FSIP1: variants seen among roughly 807,000 people sequenced by gnomAD.
FSIP1 encodes the protein fibrous sheath interacting protein 1.
FSIP1 carries 65 observed loss-of-function variants against 60.9 expected under a neutral mutation model. The observed-to-expected ratio is 1.07, with a 90% CI of 0.87 to 1.31. The LOEUF (loss-of-function observed/expected upper bound fraction) is 1.31. Ranked by LOEUF, FSIP1 falls within the 40% of genes most tolerant of loss-of-function variation. FSIP1 has a pLI of 0.00. For synonymous variants in FSIP1, 209 were observed against 221.2 expected (o/e 0.94, Z 0.49); for missense variants, 675 against 665.5 (o/e 1.01, Z -0.16).
At chr15:39,601,589 A>G (rs1193999279) in intron 11 of FSIP1, among the ~76,000 whole-genome samples, 1 of 152,204 alleles carries the variant, frequency 6.6e-6, no homozygotes, top group African/African-American at 2.4e-5. Context: ...CCATACAAAA[A>G]CTTGTACACA....
intron 11 of FSIP1, among the ~76,000 whole-genome samples, chr15:39,612,161 A>G (rs1046781903): frequency 2.0e-5 from 3 of 152,190 alleles, no homozygotes; most frequent in Admixed American, 2.0e-4. Flanking sequence ...AATCAAATGG[A>G]CCTCACATTC....
At chr15:39,722,106 CCCT>C (rs963019076) in intron 9 of FSIP1, among the ~76,000 whole-genome samples, 2 of 152,120 alleles carry the variant, frequency 1.3e-5, no homozygotes, top group Non-Finnish European at 2.9e-5. Context: ...CCTGAGCTCT[CCCT>C]CCTCCTGTTA....
intron 5 of FSIP1, among the ~76,000 whole-genome samples, chr15:39,750,398 C>A (rs373331540): frequency 2.6e-5 from 4 of 152,064 alleles, no homozygotes; most frequent in Admixed American, 6.5e-5. Flanking sequence ...ATTAGTATTA[C>A]TAATGTAATC....
intron 5 of FSIP1, among the ~76,000 whole-genome samples, chr15:39,751,726 T>G (rs1897169903): frequency 6.6e-6 from 1 of 151,890 alleles, no homozygotes; most frequent in Admixed American, 6.6e-5. Context: ...ACTAACAAGT[T>G]TAAAGATCTA....
Position 39,640,649 on chromosome 15 carries a change from C to T in FSIP1, c.1189-22404G>A, listed in dbSNP as rs148448243. Among the ~76,000 whole-genome samples the T allele has an allele frequency of 3.0e-3, 447 of 150,050 alleles. 1 individual carries two copies. The highest frequency in any genetic ancestry group is 4.3e-3 in the Non-Finnish European group (292 of 67,892). ...AGGAGTTTGAGCAATGAATAATTCG[C>T]GAATTGGGCAGCCCCCAGAATCACA... On this transcript the variant is annotated intron_variant, in intron 10 of 11. Transcript: ENST00000350221.
chr15:39,667,699 C>CT (rs1893553711), intron 10 of FSIP1, among the ~76,000 whole-genome samples: 1 of 151,922 alleles, frequency 6.6e-6, no homozygotes, highest in Non-Finnish European at 1.5e-5. Flanking sequence ...CAATCTATTC[C>CT]AGGGATCAGG....
At chr15:39,708,196 T>A (rs2631703) in intron 10 of FSIP1, among the ~76,000 whole-genome samples, 125,044 of 151,996 alleles carry the variant, frequency 0.82, 51,792 homozygotes, top group Non-Finnish European at 0.87. Flanking sequence ...CTAGGCAAGC[T>A]GCAGGTGGCT....
chr15:39,648,686 A>C (rs1000426235), intron 10 of FSIP1, among the ~76,000 whole-genome samples: 12 of 152,220 alleles, frequency 7.9e-5, no homozygotes, highest in Admixed American at 3.3e-4. Flanking sequence ...GAAATGGTGA[A>C]ATGTGTGATG....
Position 39,770,621 on chromosome 15 carries a change from T to A in FSIP1, c.127-11A>T. ...GCTTGCAGTATCGACCTAAAAATAA[T>A]TTCAAAAAAAAAACAGTTTCCGAAA... is the stretch of plus-strand genomic sequence containing the variant. On this transcript the variant is annotated splice_polypyrimidine_tract_variant and intron_variant, in intron 2 of 11. Transcript: ENST00000350221. The A allele has an allele frequency of 6.8e-7, 1 of 1,462,222 alleles. No homozygotes were observed. The highest frequency in any genetic ancestry group is 9.1e-7 in the Non-Finnish European group (1 of 1,102,150). The allele number at this position is 1,462,222 out of a possible 1,614,324, so 90.6% of individuals were successfully genotyped here.
Position 39,668,998 on chromosome 15 carries a change from T to A in FSIP1, c.1188+44446A>T, listed in dbSNP as rs193280741. 6.6e-5 allele frequency among the ~76,000 whole-genome samples: 10 copies of A among 152,310 alleles called. 1 individual carries two copies. In the East Asian group the frequency reaches 1.7e-3, roughly 26 times the overall value. Reference sequence around the variant, plus strand: ...GATAATGATATAAGTATATGAATTATGAGTATTATTGTTAGTAATGAGAGT... The same window carrying A: ...GATAATGATATAAGTATATGAATTAAGAGTATTATTGTTAGTAATGAGAGT... On this transcript the variant is annotated intron_variant, in intron 10 of 11. Transcript: ENST00000350221.
chr15:39,619,685 T>C (rs1226347960), intron 10 of FSIP1, among the ~76,000 whole-genome samples: 1 of 152,192 alleles, frequency 6.6e-6, no homozygotes, highest in Non-Finnish European at 1.5e-5. Flanking sequence ...AAGTAGAAAA[T>C]GAAGGAAGTC....
chr15:39,744,573 G>A (rs896430889), intron 5 of FSIP1, among the ~76,000 whole-genome samples: 1 of 152,092 alleles, frequency 6.6e-6, no homozygotes, highest in East Asian at 1.9e-4. Flanking sequence ...GAAGAGGCTG[G>A]AGAAACCCAC....
intron 5 of FSIP1, among the ~76,000 whole-genome samples, chr15:39,742,244 G>A (rs1275741283): frequency 2.0e-5 from 3 of 152,186 alleles, no homozygotes; most frequent in African/African-American, 7.2e-5. Context: ...CAGAGAATAT[G>A]CATACTGAGT....
At chr15:39,625,471 G>A (rs1243130018) in intron 10 of FSIP1, among the ~76,000 whole-genome samples, 1 of 152,184 alleles carries the variant, frequency 6.6e-6, no homozygotes, top group South Asian at 2.1e-4. Context: ...TTCTAACAGG[G>A]TGACTTTGCT....
intron 10 of FSIP1, among the ~76,000 whole-genome samples, chr15:39,662,589 C>G (rs1219328308): frequency 6.6e-6 from 1 of 152,094 alleles, no homozygotes; most frequent in Admixed American, 6.6e-5. Flanking sequence ...GCAGTGAGGT[C>G]TTCTCTAGCC....
chr15:39,653,886 T>G (rs959665693), intron 10 of FSIP1, among the ~76,000 whole-genome samples: 1 of 152,234 alleles, frequency 6.6e-6, no homozygotes, highest in Non-Finnish European at 1.5e-5. Flanking sequence ...TATGCCTTCA[T>G]CAGCAGCGTG....
chr15:39,777,640 T>A (rs894703089), intron 1 of FSIP1, among the ~76,000 whole-genome samples: 2 of 152,134 alleles, frequency 1.3e-5, no homozygotes, highest in Non-Finnish European at 1.5e-5. Flanking sequence ...CTAAGACCAT[T>A]CCAGATCTGT....
At chr15:39,715,239 C>T (rs896718227) in intron 9 of FSIP1, among the ~76,000 whole-genome samples, 2 of 152,070 alleles carry the variant, frequency 1.3e-5, no homozygotes, top group African/African-American at 4.8e-5. Context: ...ACTACCAGTT[C>T]CCCCAATTCC....
chr15:39,637,644 C>A (rs1892190594), intron 10 of FSIP1, among the ~76,000 whole-genome samples: 1 of 152,314 alleles, frequency 6.6e-6, no homozygotes, highest in East Asian at 1.9e-4. Flanking sequence ...TAGGCTAGGT[C>A]TAGCACATGT....
Sources: gnomAD v4.1 joint callset for allele counts (sites outside exome capture counted in the v4.1 genomes callset) on GRCh38, gnomAD v4.1.1 for gene constraint, MANE v1.5 for transcripts, NCBI Gene and HGNC (gene_info 2026-07-23, HGNC 2026-07-21) for gene names.